EBF2: variants seen among roughly 807,000 people sequenced by gnomAD.
EBF2 encodes EBF transcription factor 2.
EBF2 carries 21 observed loss-of-function variants against 72.8 expected under a neutral mutation model. The observed-to-expected ratio is 0.29, with a 90% CI of 0.20 to 0.42. The LOEUF (loss-of-function observed/expected upper bound fraction) is 0.42. Ranked by LOEUF, EBF2 falls within the 10% of genes least tolerant of loss-of-function variation. The pLI, the probability that EBF2 is intolerant of heterozygous loss-of-function variation, is 1.00. For missense variants in EBF2, 637 were observed against 731.2 expected (o/e 0.87, Z 1.49); for synonymous variants, 299 against 274.2 (o/e 1.09, Z -0.89).
At chr8:26,028,673 A>G (rs2117252770) in intron 6 of EBF2, among the ~76,000 whole-genome samples, 1 of 152,378 alleles carries the variant, frequency 6.6e-6, no homozygotes, top group South Asian at 2.1e-4. Flanking sequence ...AACACAGCCC[A>G]TAACAACCAA....
chr8:25,847,222 C>T (rs1196006774), intron 15 of EBF2, among the ~76,000 whole-genome samples: 1 of 152,066 alleles, frequency 6.6e-6, no homozygotes. Context: ...CAGCATATGC[C>T]TTTGCAGACA....
chr8:25,880,683 C>G (rs1160743371), intron 10 of EBF2, among the ~76,000 whole-genome samples: 5 of 152,098 alleles, frequency 3.3e-5, no homozygotes, highest in African/African-American at 4.8e-5. Context: ...GGGCAAGGGC[C>G]TCTCATTTTT....
intron 10 of EBF2, among the ~76,000 whole-genome samples, chr8:25,867,123 T>A (rs1802344759): frequency 1.3e-5 from 2 of 152,190 alleles, no homozygotes; most frequent in African/African-American, 2.4e-5. Flanking sequence ...GCCTGGCACT[T>A]GGTGAGCACG....
At chr8:25,889,577 G>A (rs1165601325) in intron 8 of EBF2, among the ~76,000 whole-genome samples, 175 bp downstream of exon 8, 1 of 151,954 alleles carries the variant, frequency 6.6e-6, no homozygotes, top group East Asian at 1.9e-4. Flanking sequence ...AGACGTGTGG[G>A]CCTTACAGTG....
chr8:25,934,264 CACACACACACA>C (rs1803536989), intron 6 of EBF2, among the ~76,000 whole-genome samples: 2 of 143,000 alleles, frequency 1.4e-5, no homozygotes, highest in African/African-American at 5.2e-5. Flanking sequence ...CACACACACA[CACACACACACA>C]CCAATCTTGT....
intron 10 of EBF2, among the ~76,000 whole-genome samples, chr8:25,874,941 C>T (rs528290168): frequency 6.6e-6 from 1 of 150,900 alleles, no homozygotes; most frequent in African/African-American, 2.4e-5. Flanking sequence ...TGGCCTCAGC[C>T]TCCCAAAGTA....
chr8:25,966,576 A>G (rs942019991), intron 6 of EBF2, among the ~76,000 whole-genome samples: 2 of 152,256 alleles, frequency 1.3e-5, no homozygotes, highest in Non-Finnish European at 2.9e-5. Flanking sequence ...TACATAAAGT[A>G]TAGGACAGAG....
At chr8:25,940,619 A>G (rs1405081619) in intron 6 of EBF2, among the ~76,000 whole-genome samples, 1 of 44,982 alleles carries the variant, frequency 2.2e-5, no homozygotes, top group Non-Finnish European at 5.4e-5. Flanking sequence ...AAATGAAAAA[A>G]TTAAAAAAAA....
At chr8:26,042,329 T>C (rs1805615975) in intron 1 of EBF2, 78 bp from the exon 2 acceptor site, 2 of 1,508,514 alleles carry the variant, frequency 1.3e-6, no homozygotes, top group South Asian at 2.5e-5. Flanking sequence ...CCCACAACAC[T>C]GCAGAGGGGT....
chr8:25,869,616 A>G (rs1272828416), intron 10 of EBF2, among the ~76,000 whole-genome samples: 1 of 152,136 alleles, frequency 6.6e-6, no homozygotes, highest in Non-Finnish European at 1.5e-5. Context: ...AGGCCATCTT[A>G]CCTAGAAACA....
At chr8:25,900,244 C>T (rs886206917) in intron 7 of EBF2, among the ~76,000 whole-genome samples, 2 of 152,156 alleles carry the variant, frequency 1.3e-5, no homozygotes, top group Non-Finnish European at 2.9e-5. Flanking sequence ...TCACTTGAGC[C>T]CAGGGGTTCG....
chr8:25,864,447 G>A (rs1362444457), intron 10 of EBF2, among the ~76,000 whole-genome samples: 1 of 150,704 alleles, frequency 6.6e-6, no homozygotes. Flanking sequence ...TTGACCTTAA[G>A]TATTTTATGT....
At chr8:25,890,240 G>A (rs542083966) in intron 7 of EBF2, among the ~76,000 whole-genome samples, 3 of 152,272 alleles carry the variant, frequency 2.0e-5, no homozygotes, top group South Asian at 4.1e-4. Flanking sequence ...AGATCTATAC[G>A]CCAGCTGGAA....
At chr8:25,978,326 T>C (rs548776452) in intron 6 of EBF2, among the ~76,000 whole-genome samples, 60 of 152,296 alleles carry the variant, frequency 3.9e-4, no homozygotes, top group Non-Finnish European at 6.8e-4. Context: ...TTTGGTTTGG[T>C]GGTGGGCAGA....
At chr8:25,920,740 G>A (rs1456446822) in intron 6 of EBF2, among the ~76,000 whole-genome samples, 1 of 151,910 alleles carries the variant, frequency 6.6e-6, no homozygotes, top group Admixed American at 6.6e-5. Flanking sequence ...CACATTCCAG[G>A]AAATTTCTCT....
chr8:25,947,424 C>G (rs192392721), intron 6 of EBF2, among the ~76,000 whole-genome samples: 19 of 152,212 alleles, frequency 1.2e-4, no homozygotes, highest in Middle Eastern at 3.2e-3. Context: ...CAGTCTCAGG[C>G]ATGTCTTTAT....
At chr8:25,937,374 C>A (rs1023406125) in intron 6 of EBF2, among the ~76,000 whole-genome samples, 1 of 152,222 alleles carries the variant, frequency 6.6e-6, no homozygotes, top group Non-Finnish European at 1.5e-5. Context: ...AAACTCTCAG[C>A]AGCCCTCCCT....
At chr8:25,945,639 A>C (rs1005905867) in intron 6 of EBF2, among the ~76,000 whole-genome samples, 2 of 151,438 alleles carry the variant, frequency 1.3e-5, no homozygotes, top group Non-Finnish European at 2.9e-5. Flanking sequence ...TCGGGGGTAC[A>C]ATGAGAGCCT....
At chr8:26,033,721 C>A (rs1355100959) in intron 5 of EBF2, among the ~76,000 whole-genome samples, 3 of 150,670 alleles carry the variant, frequency 2.0e-5, no homozygotes, top group Non-Finnish European at 2.9e-5. Context: ...CAAACCTATA[C>A]GTCCTGCACA....
Sources: allele counts gnomAD v4.1 joint callset (sites outside exome capture counted in the v4.1 genomes callset), GRCh38; gene constraint gnomAD v4.1.1; transcripts MANE v1.5; gene names NCBI Gene and HGNC (gene_info 2026-07-23, HGNC 2026-07-21).